The following SLC30A5 variants were observed in gnomAD, a reference collection of about 807,000 sequenced individuals.
SLC30A5 encodes the protein proton-coupled zinc antiporter SLC30A5.
A neutral mutation model predicts 79.6 loss-of-function variants in SLC30A5; 33 were observed. The ratio of observed to expected loss-of-function variants is 0.41; its 90% CI spans 0.31 to 0.55. The LOEUF is 0.55. Among genes scored for constraint, SLC30A5 ranks in the 20% least tolerant of loss-of-function variants. The probability of loss-of-function intolerance (pLI) is 0.20; values close to 1 mark genes in which losing one functional copy is unlikely to be tolerated. For synonymous variants in SLC30A5, 299 were observed against 319.7 expected (o/e 0.94, Z 0.69); for missense variants, 788 against 928.1 (o/e 0.85, Z 1.96).
chr5:69,128,153 T>C (rs773218089), intron 15 of SLC30A5, 21 bp downstream of exon 15: 82 of 1,593,690 alleles, frequency 5.1e-5, no homozygotes, highest in Non-Finnish European at 6.6e-5. Flanking sequence ...GTTTTTAAAG[T>C]AATTTTAATT....
chr5:69,096,669 C>G (rs539856785), intron 1 of SLC30A5, among the ~76,000 whole-genome samples: 3 of 152,074 alleles, frequency 2.0e-5, no homozygotes, highest in Non-Finnish European at 4.4e-5. Flanking sequence ...CCAGAAGGAC[C>G]CTTCTGGAAA....
chr5:69,117,113 T>G, intron 10 of SLC30A5, 126 bp from the exon 11 acceptor site: 1 of 674,084 alleles, frequency 1.5e-6, no homozygotes, highest in African/African-American at 1.8e-5. Flanking sequence ...CTAATGTAAG[T>G]GGCAGTTAAA....
At chr5:69,125,248 C>T (rs189165723) in intron 14 of SLC30A5, among the ~76,000 whole-genome samples, 8 of 151,782 alleles carry the variant, frequency 5.3e-5, no homozygotes, top group Admixed American at 2.6e-4. Flanking sequence ...AAATTAGGGT[C>T]GGGCACGGTG....
intron 12 of SLC30A5, among the ~76,000 whole-genome samples, chr5:69,119,232 T>C (rs1746471337): frequency 6.6e-6 from 1 of 152,162 alleles, no homozygotes. Context: ...GAAATACTTT[T>C]TTTCTTTTCT....
At chr5:69,105,947 C>T (rs1360561244) in intron 4 of SLC30A5, among the ~76,000 whole-genome samples, 2 of 152,160 alleles carry the variant, frequency 1.3e-5, no homozygotes, top group East Asian at 3.9e-4. Context: ...CCTAAAACAT[C>T]CCCCCACCAC....
At chr5:69,110,589 C>T (rs1254229356) in intron 5 of SLC30A5, among the ~76,000 whole-genome samples, 2 of 152,064 alleles carry the variant, frequency 1.3e-5, no homozygotes. Flanking sequence ...ACAAAATAGA[C>T]ATTTGTAAAA....
intron 12 of SLC30A5, among the ~76,000 whole-genome samples, chr5:69,119,154 G>A (rs1388490940): frequency 6.6e-6 from 1 of 151,958 alleles, no homozygotes; most frequent in Non-Finnish European, 1.5e-5. Context: ...TACATGTGCT[G>A]TTTCTTGTAG....
At chr5:69,101,815 A>G (rs767242045) in intron 2 of SLC30A5, among the ~76,000 whole-genome samples, 7 of 150,460 alleles carry the variant, frequency 4.7e-5, no homozygotes, top group Non-Finnish European at 8.9e-5. Flanking sequence ...AAATTAGCCA[A>G]GCGTGGTGGC....
Position 69,121,915 on chromosome 5 carries a change from T to C in SLC30A5, c.1771+20T>C. On this transcript the variant is annotated intron_variant, in intron 13 of 15. Transcript: ENST00000396591. The stretch of plus-strand genomic sequence containing the variant: ...TGAGGGGTGAGTCCTTGCAAAATAT[T>C]ATCCTACTTTTCAACTGTGTTCTAA... The C allele has an allele frequency of 6.3e-7, 1 of 1,594,070 alleles. No individual in the cohort carries two copies. Among genetic ancestry groups the C allele is most frequent in the Non-Finnish European group, 8.6e-7 (1 of 1,165,458 alleles).
chr5:69,094,453 T>TC (rs1437126551), intron 1 of SLC30A5, 115 bp downstream of exon 1: 81 of 1,095,250 alleles, frequency 7.4e-5, no homozygotes, highest in Non-Finnish European at 9.2e-5. Context: ...GCGCGCCCTC[T>TC]CCCCCTGCCT....
chr5:69,112,082 G>A (rs965863049), intron 5 of SLC30A5, among the ~76,000 whole-genome samples: 5 of 151,970 alleles, frequency 3.3e-5, no homozygotes, highest in Admixed American at 6.6e-5. Flanking sequence ...GGTGGATCAC[G>A]AGGTCAAGAG....
intron 14 of SLC30A5, among the ~76,000 whole-genome samples, chr5:69,124,416 G>A (rs1161196301): frequency 6.6e-6 from 1 of 152,084 alleles, no homozygotes; most frequent in Admixed American, 6.6e-5. Context: ...GATCACTGGG[G>A]AGAAATAGTT....
chr5:69,102,870 A>G, intron 2 of SLC30A5, 192 bp from the exon 3 acceptor site: 1 of 340,850 alleles, frequency 2.9e-6, no homozygotes, highest in Non-Finnish European at 5.5e-6. Flanking sequence ...AAAAAAAAAA[A>G]AAAAAAAGTT....
intron 1 of SLC30A5, among the ~76,000 whole-genome samples, chr5:69,096,985 C>T (rs1745752479): frequency 6.7e-6 from 1 of 150,314 alleles, no homozygotes; most frequent in Admixed American, 6.6e-5. Flanking sequence ...AAAAAAACCC[C>T]AAAAAAACCC....
chr5:69,118,323 A>ATATG (rs1561296054), intron 11 of SLC30A5, 176 bp from the exon 12 acceptor site: 1 of 221,944 alleles, frequency 4.5e-6, no homozygotes, highest in African/African-American at 2.4e-5. Flanking sequence ...ATATATATAT[A>ATATG]TGTATATATA....
At chr5:69,114,614 C>T (rs1746312960) in intron 7 of SLC30A5, 118 bp downstream of exon 7, 1 of 704,782 alleles carries the variant, frequency 1.4e-6, no homozygotes, top group African/African-American at 1.8e-5. Flanking sequence ...CGCCTGAAAT[C>T]CCAGCACTTT....
At chr5:69,126,534 G>T (rs902231581) in intron 14 of SLC30A5, among the ~76,000 whole-genome samples, 1 of 152,064 alleles carries the variant, frequency 6.6e-6, no homozygotes, top group Admixed American at 6.6e-5. Flanking sequence ...AGGCCGAGGC[G>T]GGCGGATCAC....
At position 69,118,522 on chromosome 5, in the gene SLC30A5, C is replaced by T; in HGVS notation, c.1463C>T (p.Ser488Phe). The stretch of plus-strand genomic sequence containing the variant: ...AGGTACGGCCGAATAGAAATTCTGT[C>T]TGGATTTATTAATGGACTTTTTCTA... ...SYGYGRIEIL[S>F]GFINGLFLIV... Residue 488 changes from serine to phenylalanine, a missense_variant, in exon 12 of 16, where the codon TCT (serine) becomes TTT (phenylalanine). Physicochemically the swap from Ser to Phe is radical, Grantham distance 155. This residue lies in a region of SLC30A5 where 626 missense variants were observed against 755.5 expected (regional missense o/e 0.83). Coordinates refer to ENST00000396591, the MANE Select transcript of SLC30A5 (RefSeq NM_022902.5). 1 of 1,598,778 alleles carries T rather than the reference C, an allele frequency of 6.3e-7. No individual in the cohort carries two copies. Among genetic ancestry groups the T allele is most frequent in the South Asian group, 1.1e-5 (1 of 88,080 alleles).
chr5:69,101,397 G>A (rs1244110239), intron 2 of SLC30A5, among the ~76,000 whole-genome samples: 1 of 151,586 alleles, frequency 6.6e-6, no homozygotes, highest in Non-Finnish European at 1.5e-5. Context: ...TCCTGCCTCA[G>A]CCTCCCGAGT....
Sources: gnomAD v4.1 joint callset for allele counts (sites outside exome capture counted in the v4.1 genomes callset) on GRCh38, gnomAD v4.1.1 for gene constraint, gnomAD v4.1.1 regional missense constraint, MANE v1.5 for transcripts, NCBI Gene and HGNC (gene_info 2026-07-23, HGNC 2026-07-21) for gene names.